Variants in ANKRD33B observed in about 807,000 individuals in gnomAD.
The protein encoded by ANKRD33B is ankyrin repeat domain-containing protein 33B.
A neutral mutation model predicts 21.5 loss-of-function variants in ANKRD33B; 6 were observed. The ratio of observed to expected loss-of-function variants is 0.28; its 90% CI spans 0.15 to 0.55. The LOEUF is 0.55. Ranked by LOEUF, ANKRD33B falls within the 20% of genes least tolerant of loss-of-function variation. The probability of loss-of-function intolerance (pLI) is 0.94; values close to 1 mark genes in which losing one functional copy is unlikely to be tolerated. For synonymous variants in ANKRD33B, 347 were observed against 342.4 expected (o/e 1.01, Z -0.15); for missense variants, 698 against 747.2 (o/e 0.93, Z 0.77).
chr5:10,637,981 A>T, intron 2 of ANKRD33B, 47 bp from the exon 3 acceptor site: 2 of 1,524,830 alleles, frequency 1.3e-6, no homozygotes, highest in South Asian at 2.4e-5. Flanking sequence ...GAACCAGCAC[A>T]TTTTGTGGAA....
chr5:10,605,115 C>T (rs924069470), intron 1 of ANKRD33B, among the ~76,000 whole-genome samples: 1 of 152,196 alleles, frequency 6.6e-6, no homozygotes, highest in African/African-American at 2.4e-5. Flanking sequence ...GGCCTCAGTT[C>T]CTCTCCCTGT....
intron 2 of ANKRD33B, among the ~76,000 whole-genome samples, chr5:10,626,071 G>A (rs1004537718): frequency 6.6e-6 from 1 of 152,260 alleles, no homozygotes; most frequent in Non-Finnish European, 1.5e-5. Context: ...CCAAGAAGCT[G>A]GAACCCGAGA....
In ANKRD33B at chr5:10,642,260, T is replaced by C. The variant is rs567229090; in HGVS notation, c.637+4092T>C. Among the ~76,000 whole-genome samples the C allele has an allele frequency of 1.8e-4, 28 of 152,242 alleles. 2 individuals carry two copies. The South Asian group carries it at 5.8e-3, about 32-fold the overall frequency. ...CTTGCACATCTCTTGGAACGATGAG[T>C]CTGCGGGCAGTGGGTTTACTGCTGA... On this transcript the variant is annotated intron_variant, in intron 3 of 3. Coordinates refer to ENST00000296657, the MANE Select transcript of ANKRD33B (RefSeq NM_001164440.2).
intron 1 of ANKRD33B, among the ~76,000 whole-genome samples, chr5:10,573,467 CAA>C (rs10706973): frequency 1.6e-3 from 159 of 100,722 alleles, no homozygotes; most frequent in African/African-American, 5.8e-3. Flanking sequence ...GACTCCGTCT[CAA>C]AAAAAAAAAA....
chr5:10,611,843 T>G (rs1736178561), intron 1 of ANKRD33B, among the ~76,000 whole-genome samples: 1 of 152,218 alleles, frequency 6.6e-6, no homozygotes, highest in South Asian at 2.1e-4. Context: ...GCTGCCTGGT[T>G]GAGACTTGAT....
intron 1 of ANKRD33B, among the ~76,000 whole-genome samples, chr5:10,595,973 C>T (rs1735808499): frequency 6.6e-6 from 1 of 152,220 alleles, no homozygotes; most frequent in Admixed American, 6.5e-5. Flanking sequence ...AGTGAAACTG[C>T]CTTCGCTGAC....
At position 10,656,979 on chromosome 5, in the gene ANKRD33B, GA is replaced by G. The variant is rs75720434; in HGVS notation, c.*6877del. On this transcript the variant is annotated 3_prime_UTR_variant, in exon 4 of 4. Transcript: ENST00000296657. The stretch of plus-strand genomic sequence containing the variant: ...ACACCCCTCTATTGTTTTTAAATAA[GA>G]AAAAAAAAAACCCCACGAAACTTTC... The G allele has an allele frequency of 1.9e-3, 281 of 147,812 alleles. 4 individuals are homozygous for G. In the East Asian group the frequency reaches 0.03, roughly 16 times the overall value. The allele number at this position is 147,812 out of a possible 1,614,324, so 9.2% of individuals were successfully genotyped here. A position where few individuals can be genotyped will look rare whatever the true frequency, so the allele number is the denominator to read the frequency against.
intron 1 of ANKRD33B, among the ~76,000 whole-genome samples, chr5:10,587,046 G>C (rs977305061): frequency 2.0e-5 from 3 of 151,846 alleles, no homozygotes; most frequent in Non-Finnish European, 4.4e-5. Context: ...ATGGAGTCTC[G>C]CTCTGTCGCC....
Position 10,649,257 on chromosome 5 carries a change from GT to G in ANKRD33B, c.638-5del. On this transcript the variant is annotated splice_region_variant and splice_polypyrimidine_tract_variant and intron_variant, in intron 3 of 3. Transcript: ENST00000296657. ...CCACCCACTTCTGTTTGTGTTTTGC[GT>G]TTTGCAGGGGCGGATGTCCACGCGA... 1 of 1,513,096 alleles carries G rather than the reference GT, an allele frequency of 6.6e-7. No individual in the cohort carries two copies. 93.7% of individuals were successfully genotyped at this position (1,513,096 alleles called of 1,614,324 possible). A position where few individuals can be genotyped will look rare whatever the true frequency, so the allele number is the denominator to read the frequency against.
intron 1 of ANKRD33B, among the ~76,000 whole-genome samples, chr5:10,606,821 C>T (rs1182846063): frequency 6.6e-6 from 1 of 151,710 alleles, no homozygotes; most frequent in Non-Finnish European, 1.5e-5. Flanking sequence ...CTCCGCCTCC[C>T]AGGTTCATGC....
At chr5:10,572,535 C>T (rs1735221869) in intron 1 of ANKRD33B, among the ~76,000 whole-genome samples, 1 of 152,170 alleles carries the variant, frequency 6.6e-6, no homozygotes. Flanking sequence ...CATAGGTGCT[C>T]CCGTGGTGGA....
chr5:10,564,960 A>C, intron 1 of ANKRD33B, 127 bp downstream of exon 1: 1 of 1,316,476 alleles, frequency 7.6e-7, no homozygotes. Context: ...CGCCGCCCAG[A>C]GCGCCTTTTC....
At chr5:10,583,961 G>C (rs1348300458) in intron 1 of ANKRD33B, among the ~76,000 whole-genome samples, 1 of 152,162 alleles carries the variant, frequency 6.6e-6, no homozygotes, top group Non-Finnish European at 1.5e-5. Context: ...CAGGAGGCAT[G>C]AAATATCCCT....
In ANKRD33B at chr5:10,650,003, C is replaced by A. The variant is rs766608607; in HGVS notation, c.1375C>A (p.Arg459=). 1.1e-4 allele frequency: 173 copies of A among 1,533,372 alleles called. No individual in the cohort carries two copies. Among genetic ancestry groups the A allele is most frequent in the Middle Eastern group, 8.7e-4 (5 of 5,742 alleles). 95.0% of individuals were successfully genotyped at this position (1,533,372 alleles called of 1,614,324 possible). Residue 459 remains arginine, a synonymous_variant, in exon 4 of 4, where the codon CGG becomes AGG. Coordinates refer to ENST00000296657, the MANE Select transcript of ANKRD33B (RefSeq NM_001164440.2). ...DSGHLQIPKW[R]YKEAKEEKRK... is the part of the protein sequence containing the mutation. ...CGGCCACCTGCAGATCCCCAAGTGG[C>A]GGTACAAGGAGGCCAAGGAGGAGAA...
chr5:10,591,334 A>G (rs1432880938), intron 1 of ANKRD33B, among the ~76,000 whole-genome samples: 4 of 151,966 alleles, frequency 2.6e-5, no homozygotes, highest in Non-Finnish European at 5.9e-5. Flanking sequence ...CTGGGACAAC[A>G]GGTGCGTGCC....
At position 10,564,683 on chromosome 5, in the gene ANKRD33B, G is replaced by T. The variant is rs1735006444; in HGVS notation, c.216G>T (p.Ala72=). ...EDEEEHGVES[A]ESVPEGVPES... ...AGGAGGAGCACGGCGTCGAGAGCGCGGAGAGCGTCCCGGAGGGCGTCCCGG... is the reference window on the plus strand; with the variant it reads ...AGGAGGAGCACGGCGTCGAGAGCGCTGAGAGCGTCCCGGAGGGCGTCCCGG... The change falls in exon 1 of 4, where the codon GCG becomes GCT. Residue 72 remains alanine (A), a synonymous_variant. Transcript: ENST00000296657. The T allele has an allele frequency of 3.3e-6, 5 of 1,534,584 alleles. No individual in the cohort carries two copies. Among genetic ancestry groups the T allele is most frequent in the Non-Finnish European group, 4.4e-6 (5 of 1,146,376 alleles).
chr5:10,565,010 G>A (rs1735016608), intron 1 of ANKRD33B, among the ~76,000 whole-genome samples, 177 bp downstream of exon 1: 2 of 152,208 alleles, frequency 1.3e-5, no homozygotes, highest in Admixed American at 1.3e-4. Flanking sequence ...TGGCTTCCCC[G>A]TCTCAGGCTG....
intron 1 of ANKRD33B, among the ~76,000 whole-genome samples, chr5:10,567,408 C>A (rs1166917792): frequency 6.6e-6 from 1 of 152,246 alleles, no homozygotes; most frequent in Non-Finnish European, 1.5e-5. Context: ...CTGGCAGTCC[C>A]TGCCTTTGAA....
chr5:10,566,028 C>G (rs989983964), intron 1 of ANKRD33B, among the ~76,000 whole-genome samples: 4 of 152,206 alleles, frequency 2.6e-5, no homozygotes, highest in African/African-American at 9.7e-5. Context: ...TCCAATGTCA[C>G]TCTCCCCTTG....
Sources: allele counts gnomAD v4.1 joint callset (sites outside exome capture counted in the v4.1 genomes callset), GRCh38; gene constraint gnomAD v4.1.1; transcripts MANE v1.5; gene names NCBI Gene and HGNC (gene_info 2026-07-23, HGNC 2026-07-21).